The following EEF1AKMT4 variants were observed in gnomAD, a reference collection of about 807,000 sequenced individuals.
The protein encoded by EEF1AKMT4 is eukaryotic translation elongation factor 1 alpha lysine specific methyltransferase 4.
EEF1AKMT4 carries 17 observed loss-of-function variants against 23.0 expected under a neutral mutation model. The observed-to-expected ratio is 0.74, with a 90% confidence interval of 0.51 to 1.11. The LOEUF (loss-of-function observed/expected upper bound fraction) is 1.11, where lower values mean the gene tolerates loss of function less well. EEF1AKMT4 is among the 50% of genes least tolerant of loss of function. EEF1AKMT4 has a pLI of 0.00. For synonymous variants in EEF1AKMT4, 140 were observed against 141.4 expected (o/e 0.99, Z 0.07); for missense variants, 318 against 333.4 (o/e 0.95, Z 0.36).
Position 184,258,558 on chromosome 3 carries a change from A to C in EEF1AKMT4, c.751A>C (p.Ser251Arg). 3 of 1,591,340 alleles carry C rather than the reference A, an allele frequency of 1.9e-6. No homozygotes were observed. The highest frequency in any genetic ancestry group is 2.6e-6 in the Non-Finnish European group (3 of 1,167,772). Residue 251 changes from serine to arginine, a missense_variant, in exon 3 of 3, where the codon AGT becomes CGT. Physicochemically the swap from Ser to Arg is moderately radical, Grantham distance 110. Coordinates refer to ENST00000324557, the MANE Select transcript of EEF1AKMT4 (RefSeq NM_032331.4). Reference sequence around the variant, plus strand: ...GGACTCAGATCATGAGGACTTCCTTAGTGCCATTCAGCTCTGAGGCCAGAG... The same window carrying C: ...GGACTCAGATCATGAGGACTTCCTTCGTGCCATTCAGCTCTGAGGCCAGAG... ...LQDSDHEDFL[S>R]AIQL
chr3:184,256,627 A>G (rs1466504168), intron 1 of EEF1AKMT4, among the ~76,000 whole-genome samples: 1 of 151,990 alleles, frequency 6.6e-6, no homozygotes, highest in African/African-American at 2.4e-5. Context: ...CTGAACTCCT[A>G]ACTTTAGAGC....
In EEF1AKMT4 at chr3:184,257,572, C is replaced by T. The variant is rs1719869006; in HGVS notation, c.296C>T (p.Ala99Val). ...YSSVVVAAMQ[A>V]RHAHVPQLRW... ...TCAGTCGTGGTGGCTGCCATGCAGGCTCGCCATGCCCATGTGCCGCAGCTG... is the reference window on the plus strand; with the variant it reads ...TCAGTCGTGGTGGCTGCCATGCAGGTTCGCCATGCCCATGTGCCGCAGCTG... Residue 99 changes from alanine (A) to valine (V), a missense_variant, in exon 2 of 3, where the codon GCT becomes GTT. Coordinates refer to ENST00000324557, the MANE Select transcript of EEF1AKMT4 (RefSeq NM_032331.4). The T allele has an allele frequency of 3.1e-6, 5 of 1,614,184 alleles. No individual in the cohort carries two copies. The highest frequency in any genetic ancestry group is 4.2e-6 in the Non-Finnish European group (5 of 1,180,042).
rs1231779267 is a variant in EEF1AKMT4 at position 184,253,753 on chromosome 3, T to G, written c.197-3720T>G. 4.7e-5 allele frequency among the ~76,000 whole-genome samples: 7 copies of G among 148,392 alleles called. No homozygotes were observed. The Admixed American group carries it at 4.8e-4, about 10-fold the overall frequency. The stretch of plus-strand genomic sequence containing the variant: ...GGTGCAATCTCAGCTCACTGCAAAC[T>G]CCACCTCCTGGGTTCAAGCGATTCT... On this transcript the variant is annotated intron_variant, in intron 1 of 2. Coordinates refer to ENST00000324557, the MANE Select transcript of EEF1AKMT4 (RefSeq NM_032331.4).
intron 1 of EEF1AKMT4, among the ~76,000 whole-genome samples, chr3:184,250,214 T>C (rs1719467777): frequency 6.6e-6 from 1 of 152,236 alleles, no homozygotes; most frequent in South Asian, 2.1e-4. Context: ...GTCCTAGCGC[T>C]AATTGACTTG....
At chr3:184,253,999 A>G (rs1719680684) in intron 1 of EEF1AKMT4, among the ~76,000 whole-genome samples, 1 of 152,214 alleles carries the variant, frequency 6.6e-6, no homozygotes. Context: ...CTCTAACATG[A>G]AAGTAAACTG....
intron 1 of EEF1AKMT4, 119 bp from the exon 2 acceptor site, chr3:184,257,354 T>G (rs1719853821): frequency 2.9e-6 from 3 of 1,051,052 alleles, no homozygotes; most frequent in Admixed American, 5.4e-5. Context: ...TGCCACCTCC[T>G]CTCAGTACTA....
intron 1 of EEF1AKMT4, among the ~76,000 whole-genome samples, chr3:184,251,711 C>A (rs568295869): frequency 2.1e-3 from 323 of 152,156 alleles, no homozygotes; most frequent in Non-Finnish European, 3.5e-3. Context: ...CAAAACAAAG[C>A]AAAACAAAAA....
Position 184,258,455 on chromosome 3 carries a change from G to A in EEF1AKMT4, c.648G>A (p.Lys216=). 6.2e-7 allele frequency: 1 copy of A among 1,613,906 alleles called. No homozygotes were observed. The highest frequency in any genetic ancestry group is 8.5e-7 in the Non-Finnish European group (1 of 1,179,902). The stretch of plus-strand genomic sequence containing the variant: ...TCTACCTCATGCACAAGGGCGGGAA[G>A]CTCAGTGTGGCCCAGCTGGCTCTGG... ...FHLYLMHKGG[K]LSVAQLALGA... The change falls in exon 3 of 3, where the codon AAG becomes AAA. Residue 216 remains lysine, a synonymous_variant. Transcript: ENST00000324557.
chr3:184,256,851 G>T (rs1040745516), intron 1 of EEF1AKMT4, among the ~76,000 whole-genome samples: 1 of 151,232 alleles, frequency 6.6e-6, no homozygotes, highest in Admixed American at 6.6e-5. Flanking sequence ...TGTATTTTTA[G>T]TAGAGATGGG....
Position 184,257,499 on chromosome 3 carries a change from G to A in EEF1AKMT4, c.223G>A (p.Glu75Lys), listed in dbSNP as rs758583878. The change falls in exon 2 of 3, where the codon GAG becomes AAG. Residue 75 changes from glutamate to lysine, a missense_variant. Glu to Lys is a moderately conservative substitution (Grantham distance 56, BLOSUM62 1). Coordinates refer to ENST00000324557, the MANE Select transcript of EEF1AKMT4 (RefSeq NM_032331.4). Reference sequence around the variant, plus strand: ...TTGCGGGAACAGTGCCCTGAGCTACGAGCTGTTCCTCGGAGGCTTCCCTAA... The same window carrying A: ...TTGCGGGAACAGTGCCCTGAGCTACAAGCTGTTCCTCGGAGGCTTCCCTAA... ...LGCGNSALSY[E>K]LFLGGFPNVT... 3.1e-6 allele frequency: 5 copies of A among 1,608,636 alleles called. No homozygotes were observed. Among genetic ancestry groups the A allele is most frequent in the Admixed American group, 1.7e-5 (1 of 59,922 alleles).
chr3:184,256,931 A>AAGTGCT (rs1335383183), intron 1 of EEF1AKMT4, among the ~76,000 whole-genome samples: 1 of 152,074 alleles, frequency 6.6e-6, no homozygotes, highest in African/African-American at 2.4e-5. Flanking sequence ...CGGCCTCCCA[A>AAGTGCT]AGTGCTGGGA....
Position 184,258,688 on chromosome 3 carries a change from C to G in EEF1AKMT4, c.*113C>G, listed in dbSNP as rs540931154. 1 of 1,480,618 alleles carries G rather than the reference C, an allele frequency of 6.8e-7. No homozygotes were observed. The highest frequency in any genetic ancestry group is 1.4e-5 in the African/African-American group (1 of 71,052). The allele number at this position is 1,480,618 out of a possible 1,614,324, so 91.7% of individuals were successfully genotyped here. A position where few individuals can be genotyped will look rare whatever the true frequency, so the allele number is the denominator to read the frequency against. ...GTCCAAGGTGCTTACATCCCAGGGG[C>G]CTCATGCCTAAGATAGAGGGTGGGA... On this transcript the variant is annotated 3_prime_UTR_variant, in exon 3 of 3. Transcript: ENST00000324557.
intron 1 of EEF1AKMT4, among the ~76,000 whole-genome samples, chr3:184,256,458 G>C (rs574748634): frequency 1.3e-5 from 2 of 152,080 alleles, no homozygotes; most frequent in Non-Finnish European, 2.9e-5. Flanking sequence ...AGAGGTTGGG[G>C]ATTAGGATAA....
chr3:184,258,179 G>C (rs1719898523), intron 2 of EEF1AKMT4, 109 bp from the exon 3 acceptor site: 5 of 1,039,648 alleles, frequency 4.8e-6, no homozygotes, highest in Non-Finnish European at 7.1e-6. Context: ...CTGAGCTACA[G>C]ATGTGGGGTG....
At chr3:184,253,585 TC>T (rs1296975763) in intron 1 of EEF1AKMT4, among the ~76,000 whole-genome samples, 2 of 152,172 alleles carry the variant, frequency 1.3e-5, no homozygotes, top group Non-Finnish European at 2.9e-5. Flanking sequence ...TTCTGGCTCT[TC>T]CACTGACTAT....
At chr3:184,253,821 C>A (rs942907261) in intron 1 of EEF1AKMT4, among the ~76,000 whole-genome samples, 1 of 151,996 alleles carries the variant, frequency 6.6e-6, no homozygotes, top group Non-Finnish European at 1.5e-5. Flanking sequence ...AGGCGCCCAC[C>A]ACCACACCTG....
At chr3:184,255,722 C>T (rs1376308593) in intron 1 of EEF1AKMT4, among the ~76,000 whole-genome samples, 1 of 152,214 alleles carries the variant, frequency 6.6e-6, no homozygotes, top group Non-Finnish European at 1.5e-5. Flanking sequence ...GCTTTCCAGG[C>T]ACTTCCTACC....
In EEF1AKMT4 at chr3:184,257,324, C is replaced by T; in HGVS notation, c.197-149C>T. On this transcript the variant is annotated intron_variant, in intron 1 of 2. Transcript: ENST00000324557. The stretch of plus-strand genomic sequence containing the variant: ...CACCCAGGCCTGTGCGATTCCAAGG[C>T]TTGTGCTTTTTCTGCACTCTGCCAC... The T allele has an allele frequency of 5.2e-6, 4 of 764,626 alleles. No individual in the cohort carries two copies. The South Asian group carries it at 7.5e-5, about 14-fold the overall frequency. 47.4% of individuals were successfully genotyped at this position (764,626 alleles called of 1,614,324 possible). A position where few individuals can be genotyped will look rare whatever the true frequency, so the allele number is the denominator to read the frequency against.
At chr3:184,254,132 C>T (rs1475608748) in intron 1 of EEF1AKMT4, among the ~76,000 whole-genome samples, 1 of 152,064 alleles carries the variant, frequency 6.6e-6, no homozygotes, top group Non-Finnish European at 1.5e-5. Context: ...GAACAGAGTA[C>T]CCTGTTGGAA....
Sources: gnomAD v4.1 joint callset for allele counts (sites outside exome capture counted in the v4.1 genomes callset) on GRCh38, gnomAD v4.1.1 for gene constraint, MANE v1.5 for transcripts, NCBI Gene and HGNC (gene_info 2026-07-23, HGNC 2026-07-21) for gene names.